The following CALML4 variants were observed in gnomAD, a reference collection of about 807,000 sequenced individuals.
CALML4 encodes the protein calmodulin-like protein 4.
A neutral mutation model predicts 17.9 loss-of-function variants in CALML4; 16 were observed. The ratio of observed to expected loss-of-function variants is 0.89; its 90% CI spans 0.61 to 1.36. The LOEUF (loss-of-function observed/expected upper bound fraction) is 1.36, where lower values mean the gene tolerates loss of function less well. CALML4 is among the 40% of genes most tolerant of loss of function. The pLI is 0.00. For missense variants in CALML4, 203 were observed against 194.8 expected (o/e 1.04, Z -0.25); for synonymous variants, 86 against 71.5 (o/e 1.20, Z -1.02).
upstream of CALML4, chr15:68,205,375 A>G: frequency 6.2e-7 from 1 of 1,613,816 alleles, no homozygotes; most frequent in Non-Finnish European, 8.5e-7. The surrounding 1 kb of genome is among the most constrained non-coding windows in gnomAD (Gnocchi z 4.8). Flanking sequence ...CTCGGCTGCC[A>G]TGGAGACTGG....
intron 4 of CALML4, among the ~76,000 whole-genome samples, chr15:68,196,233 A>G (rs1351585206): frequency 1.3e-5 from 2 of 152,152 alleles, no homozygotes; most frequent in Admixed American, 6.5e-5. Flanking sequence ...ATGTCAGGCA[A>G]TTTTTAAACT....
At position 68,197,319 on chromosome 15, in the gene CALML4, C is replaced by T; in HGVS notation, c.364+121G>A. On this transcript the variant is annotated intron_variant, in intron 4 of 4. Coordinates refer to ENST00000467889, the MANE Select transcript of CALML4 (RefSeq NM_033429.3). The surrounding 1 kb of genome is among the most constrained non-coding windows in gnomAD (Gnocchi z 4.1). ...CTAGTGTGGCATCTGCTCACAGTCT[C>T]CTGCGCGCGCATCAACAGAGGTGGT... The T allele has an allele frequency of 4.5e-6, 4 of 885,316 alleles. No individual in the cohort carries two copies. The highest frequency in any genetic ancestry group is 7.0e-6 in the Non-Finnish European group (4 of 572,910). The allele number at this position is 885,316 out of a possible 1,614,324, so 54.8% of individuals were successfully genotyped here.
intron 4 of CALML4, among the ~76,000 whole-genome samples, chr15:68,194,506 C>G (rs772075544): frequency 1.3e-5 from 2 of 151,878 alleles, no homozygotes; most frequent in African/African-American, 2.4e-5. Flanking sequence ...GCCTCAGGCT[C>G]CTGAGTAGCT....
At chr15:68,202,523 T>G (rs1047554145) in intron 2 of CALML4, among the ~76,000 whole-genome samples, 1 of 152,164 alleles carries the variant, frequency 6.6e-6, no homozygotes, top group African/African-American at 2.4e-5. Context: ...GGAGAATCCC[T>G]TGAGTCTGGG....
rs374224795 is a variant in CALML4 at position 68,204,765 on chromosome 15, A to G, written c.34+356T>C. ...CTGGCCTCTGTTCTGTCTCAATTACAAAGCCCCTCCTCTTTCCCTGCTGCC... is the reference window on the plus strand; with the variant it reads ...CTGGCCTCTGTTCTGTCTCAATTACGAAGCCCCTCCTCTTTCCCTGCTGCC... On this transcript the variant is annotated intron_variant, in intron 2 of 4. Coordinates refer to ENST00000467889, the MANE Select transcript of CALML4 (RefSeq NM_033429.3). The surrounding 1 kb of genome is among the most constrained non-coding windows in gnomAD (Gnocchi z 6.0). Among the ~76,000 whole-genome samples the G allele has an allele frequency of 1.3e-3, 198 of 152,086 alleles. No homozygotes were observed. Among genetic ancestry groups the G allele is most frequent in the African/African-American group, 4.6e-3 (189 of 41,474 alleles).
Position 68,197,663 on chromosome 15 carries a change from G to A in CALML4, c.176-35C>T, listed in dbSNP as rs1353358441. Reference sequence around the variant, plus strand: ...CCGCAAACACAGCAGAGTGAGCAGAGGGAAAAAGACTCCTAGGAAGCCAGC... The same window carrying A: ...CCGCAAACACAGCAGAGTGAGCAGAAGGAAAAAGACTCCTAGGAAGCCAGC... On this transcript the variant is annotated intron_variant, in intron 3 of 4. Transcript: ENST00000467889. The surrounding 1 kb of genome is among the most constrained non-coding windows in gnomAD (Gnocchi z 4.1). 6.2e-7 allele frequency: 1 copy of A among 1,600,274 alleles called. No homozygotes were observed. The highest frequency in any genetic ancestry group is 1.3e-5 in the African/African-American group (1 of 74,324).
intron 2 of CALML4, 22 bp from the exon 3 acceptor site, chr15:68,199,703 G>T (rs781126334): frequency 1.2e-6 from 2 of 1,604,848 alleles, no homozygotes; most frequent in East Asian, 4.5e-5. Flanking sequence ...CCAGAGGGAG[G>T]GTCAGCAGCG....
At position 68,204,830 on chromosome 15, in the gene CALML4, C is replaced by T. The variant is rs1418612068; in HGVS notation, c.34+291G>A. Among the ~76,000 whole-genome samples, 1 of 152,190 alleles carries T rather than the reference C, an allele frequency of 6.6e-6. No individual in the cohort carries two copies. Among genetic ancestry groups the T allele is most frequent in the African/African-American group, 2.4e-5 (1 of 41,450 alleles). The stretch of plus-strand genomic sequence containing the variant: ...TGGTCTCTCTCTCCATCCCCAGTCC[C>T]CTCAGTCCCCAAATCCAACTGGTCA... On this transcript the variant is annotated intron_variant, in intron 2 of 4. Coordinates refer to ENST00000467889, the MANE Select transcript of CALML4 (RefSeq NM_033429.3). This position sits in a 1 kb window ranked among gnomAD's most constrained non-coding sequence, Gnocchi z 6.0.
intron 4 of CALML4, among the ~76,000 whole-genome samples, chr15:68,196,979 C>CAGAGAG (rs10652103): frequency 6.6e-6 from 1 of 152,172 alleles, no homozygotes; most frequent in South Asian, 2.1e-4. Flanking sequence ...GCAGCAACTG[C>CAGAGAG]AGACTGCTGT....
At chr15:68,202,072 G>A (rs1471470803) in intron 2 of CALML4, among the ~76,000 whole-genome samples, 4 of 152,226 alleles carry the variant, frequency 2.6e-5, no homozygotes, top group African/African-American at 9.7e-5. Flanking sequence ...TGAATGAAAG[G>A]ATTAATTGGG....
In CALML4 at chr15:68,193,500, C is replaced by T. The variant is rs547069495; in HGVS notation, c.*515G>A. ...GTCATAAGTGTTACAGCTTTCTGTT[C>T]ATTGCTGCTTCTCAGCTAGCACTGG... On this transcript the variant is annotated 3_prime_UTR_variant, in exon 5 of 5. Transcript: ENST00000467889. The T allele has an allele frequency of 6.5e-6, 1 of 153,682 alleles. No individual in the cohort carries two copies. Among genetic ancestry groups the T allele is most frequent in the African/African-American group, 2.4e-5 (1 of 41,612 alleles). 9.5% of individuals were successfully genotyped at this position (153,682 alleles called of 1,614,324 possible). A position where few individuals can be genotyped will look rare whatever the true frequency, so the allele number is the denominator to read the frequency against.
Position 68,204,381 on chromosome 15 carries a change from A to T in CALML4, c.34+740T>A, listed in dbSNP as rs2093175283. 6.6e-6 allele frequency among the ~76,000 whole-genome samples: 1 copy of T among 152,156 alleles called. No individual in the cohort carries two copies. Among genetic ancestry groups the T allele is most frequent in the South Asian group, 2.1e-4 (1 of 4,834 alleles). On this transcript the variant is annotated intron_variant, in intron 2 of 4. Transcript: ENST00000467889. The surrounding 1 kb of genome is among the most constrained non-coding windows in gnomAD (Gnocchi z 6.0). ...CCTCGGGGGACTCTCAGGCCCATTG[A>T]CGTCCACTGTTGGGACAGGTTTCAG...
Position 68,205,076 on chromosome 15 carries a change from C to T in CALML4, c.34+45G>A, listed in dbSNP as rs1227993269. On this transcript the variant is annotated intron_variant, in intron 2 of 4. Coordinates refer to ENST00000467889, the MANE Select transcript of CALML4 (RefSeq NM_033429.3). The surrounding 1 kb of genome is among the most constrained non-coding windows in gnomAD (Gnocchi z 4.8). ...GAGCAGAGCAAATTGCCTAATGAGA[C>T]CCATATTTTGCTGAGTTGCTAATCA... 1 of 1,607,166 alleles carries T rather than the reference C, an allele frequency of 6.2e-7. No individual in the cohort carries two copies. The highest frequency in any genetic ancestry group is 2.2e-5 in the East Asian group (1 of 44,830).
chr15:68,203,348 C>A (rs950427955), intron 2 of CALML4, among the ~76,000 whole-genome samples: 1 of 152,214 alleles, frequency 6.6e-6, no homozygotes, highest in African/African-American at 2.4e-5. Context: ...GATTCTTTTT[C>A]CAATGAATGA....
intron 4 of CALML4, 93 bp from the exon 5 acceptor site, chr15:68,194,205 TC>T: frequency 3.4e-6 from 3 of 871,258 alleles, no homozygotes; most frequent in Admixed American, 2.1e-5. Flanking sequence ...CCTAAGGTCT[TC>T]CCTGAGCGTG....
In CALML4 at chr15:68,203,338, G is replaced by T. The variant is rs538207274; in HGVS notation, c.34+1783C>A. ...AATGAAGCTGCGCGCCAATGAGTGC[G>T]ATTCTTTTTCCAATGAATGAATGGT... On this transcript the variant is annotated intron_variant, in intron 2 of 4. Coordinates refer to ENST00000467889, the MANE Select transcript of CALML4 (RefSeq NM_033429.3). Among the ~76,000 whole-genome samples, 3 of 152,338 alleles carry T rather than the reference G, an allele frequency of 2.0e-5. No homozygotes were observed. The East Asian group carries it at 5.8e-4, about 29-fold the overall frequency.
chr15:68,193,950 C>CTTTTTAAAAAAAATTAATTGCTCCAAG lies in CALML4; in HGVS notation c.*38_*64dup. 1 of 1,239,090 alleles carries CTTTTTAAAAAAAATTAATTGCTCCAAG rather than the reference C, an allele frequency of 8.1e-7. No individual in the cohort carries two copies. 76.8% of individuals were successfully genotyped at this position (1,239,090 alleles called of 1,614,324 possible). A position where few individuals can be genotyped will look rare whatever the true frequency, so the allele number is the denominator to read the frequency against. ...CCATCTCTCCCAAGTGAAAAGAACA[C>CTTTTTAAAAAAAATTAATTGCTCCAAG]TTTTTAAAAAAAATTAATTGCTCCA... On this transcript the variant is annotated 3_prime_UTR_variant, in exon 5 of 5. Transcript: ENST00000467889.
In CALML4 at chr15:68,192,751, TTTC is replaced by T. The variant is rs1460750338; in HGVS notation, c.*1261_*1263del. ...AAAGACACATCCCATTTGATTTGGT[TTTC>T]TTCTACTTTAGCCACTGTGGTACTA... On this transcript the variant is annotated 3_prime_UTR_variant, in exon 5 of 5. Transcript: ENST00000467889. 1.3e-5 allele frequency: 2 copies of T among 152,208 alleles called. No individual in the cohort carries two copies. Among genetic ancestry groups the T allele is most frequent in the African/African-American group, 4.8e-5 (2 of 41,444 alleles). 9.4% of individuals were successfully genotyped at this position (152,208 alleles called of 1,614,324 possible).
In CALML4 at chr15:68,197,641, C is replaced by A. The variant is rs752045770; in HGVS notation, c.176-13G>T. The A allele has an allele frequency of 1.9e-5, 30 of 1,612,422 alleles. No homozygotes were observed. The highest frequency in any genetic ancestry group is 4.0e-5 in the African/African-American group (3 of 74,764). ...TCTCCATTTCCGTCTAGGAAACCCG[C>A]AAACACAGCAGAGTGAGCAGAGGGA... is the stretch of plus-strand genomic sequence containing the variant. On this transcript the variant is annotated splice_polypyrimidine_tract_variant and intron_variant, in intron 3 of 4. Coordinates refer to ENST00000467889, the MANE Select transcript of CALML4 (RefSeq NM_033429.3). The surrounding 1 kb of genome is among the most constrained non-coding windows in gnomAD (Gnocchi z 4.1).
Sources: allele counts gnomAD v4.1 joint callset (sites outside exome capture counted in the v4.1 genomes callset), GRCh38; gene constraint gnomAD v4.1.1; non-coding constraint Gnocchi (gnomAD v3.1); transcripts MANE v1.5; gene names NCBI Gene and HGNC (gene_info 2026-07-23, HGNC 2026-07-21).